The following SGCZ variants were observed in gnomAD, a reference collection of about 807,000 sequenced individuals.
SGCZ encodes the protein zeta-sarcoglycan.
A neutral mutation model predicts 41.3 loss-of-function variants in SGCZ; 40 were observed. The ratio of observed to expected loss-of-function variants is 0.97; its 90% CI spans 0.75 to 1.26. The LOEUF is 1.26. Ranked by LOEUF, SGCZ falls within the 50% of genes most tolerant of loss-of-function variation. The pLI is 0.00. For missense variants in SGCZ, 552 were observed against 369.8 expected, an observed-to-expected ratio of 1.49 and a Z score of -4.04; for synonymous variants, 206 against 137.5, an observed-to-expected ratio of 1.50 and a Z score of -3.49.
intron 1 of SGCZ, among the ~76,000 whole-genome samples, chr8:15,134,888 G>C (rs1035695179): frequency 2.6e-5 from 4 of 152,242 alleles, no homozygotes; most frequent in East Asian, 1.9e-4. Flanking sequence ...AAACACGTTT[G>C]AATGTTAAAC....
chr8:15,077,875 G>GA (rs1805596779), intron 1 of SGCZ, among the ~76,000 whole-genome samples: 1 of 152,210 alleles, frequency 6.6e-6, no homozygotes, highest in African/African-American at 2.4e-5. Context: ...GCAGGAGGCA[G>GA]ACAAATGCCT....
intron 1 of SGCZ, among the ~76,000 whole-genome samples, chr8:14,775,945 C>T (rs1301306375): frequency 6.6e-6 from 1 of 152,112 alleles, no homozygotes; most frequent in African/African-American, 2.4e-5. Flanking sequence ...GGAAAGTGGA[C>T]TCTCTTGCAT....
chr8:15,162,729 CT>C (rs1367400802), intron 1 of SGCZ, among the ~76,000 whole-genome samples: 5 of 152,184 alleles, frequency 3.3e-5, no homozygotes, highest in African/African-American at 1.2e-4. Context: ...CTATGTTTTT[CT>C]CTCATGATCT....
intron 4 of SGCZ, among the ~76,000 whole-genome samples, chr8:14,233,018 G>C (rs1806626920): frequency 6.6e-6 from 1 of 151,962 alleles, no homozygotes; most frequent in Non-Finnish European, 1.5e-5. Flanking sequence ...CCCATAAGTA[G>C]CCATAATAAG....
chr8:14,367,094 T>C (rs1027139606), intron 2 of SGCZ, among the ~76,000 whole-genome samples: 1 of 152,076 alleles, frequency 6.6e-6, no homozygotes, highest in South Asian at 2.1e-4. Context: ...CACTTAGAAA[T>C]TTCTTACGCC....
intron 1 of SGCZ, among the ~76,000 whole-genome samples, chr8:14,674,140 G>A (rs11203662): frequency 0.56 from 85,393 of 151,788 alleles, 25,423 homozygotes; most frequent in East Asian, 0.78. Flanking sequence ...AACATAAATA[G>A]GTAGTTATCT....
intron 3 of SGCZ, among the ~76,000 whole-genome samples, chr8:14,279,221 T>C (rs763927271): frequency 3.9e-5 from 6 of 152,090 alleles, no homozygotes; most frequent in Non-Finnish European, 7.4e-5. Context: ...AGTTTACTTT[T>C]GGTTTTCTTT....
intron 2 of SGCZ, among the ~76,000 whole-genome samples, chr8:14,398,900 C>T (rs905666205): frequency 2.6e-5 from 4 of 151,976 alleles, no homozygotes; most frequent in African/African-American, 4.8e-5. Flanking sequence ...TTTCTTTGGG[C>T]CTGATAATTT....
At chr8:15,134,991 T>C (rs542552418) in intron 1 of SGCZ, among the ~76,000 whole-genome samples, 2 of 152,306 alleles carry the variant, frequency 1.3e-5, no homozygotes, top group South Asian at 4.1e-4. Flanking sequence ...AGCTACCAAT[T>C]TGCTAGACTT....
intron 2 of SGCZ, among the ~76,000 whole-genome samples, chr8:14,371,525 A>G (rs192296026): frequency 3.0e-3 from 454 of 152,126 alleles, no homozygotes; most frequent in African/African-American, 9.4e-3. Context: ...AAATATAAAA[A>G]AAAGTGTTTC....
At chr8:14,368,885 A>C (rs1803811907) in intron 2 of SGCZ, among the ~76,000 whole-genome samples, 1 of 152,004 alleles carries the variant, frequency 6.6e-6, no homozygotes. Flanking sequence ...ACACCATAGA[A>C]AACTATGGGA....
intron 5 of SGCZ, among the ~76,000 whole-genome samples, chr8:14,136,328 G>A (rs551489256): frequency 3.7e-4 from 57 of 152,282 alleles, no homozygotes; most frequent in African/African-American, 1.4e-3. Context: ...CATGAAGTGT[G>A]AGCCGAAGCA....
chr8:14,167,704 A>G lies in SGCZ; in HGVS notation c.425-3002T>C, dbSNP rs1175337120. Among the ~76,000 whole-genome samples, 3 of 152,206 alleles carry G rather than the reference A, an allele frequency of 2.0e-5. No individual in the cohort carries two copies. The East Asian group carries it at 5.8e-4, about 29-fold the overall frequency. ...TTTTAAATGTTCTATATACATTCTTAAAAGAACAAACCACCACCATCACCA... is the reference window on the plus strand; with the variant it reads ...TTTTAAATGTTCTATATACATTCTTGAAAGAACAAACCACCACCATCACCA... On this transcript the variant is annotated intron_variant, in intron 4 of 7. Coordinates refer to ENST00000382080, the MANE Select transcript of SGCZ (RefSeq NM_139167.4).
chr8:14,365,111 T>C (rs1368780593), intron 2 of SGCZ, among the ~76,000 whole-genome samples: 1 of 152,092 alleles, frequency 6.6e-6, no homozygotes. Context: ...TTTTCACTTT[T>C]GTCATATATG....
At chr8:14,116,902 T>C (rs1001346273) in intron 5 of SGCZ, among the ~76,000 whole-genome samples, 3 of 152,106 alleles carry the variant, frequency 2.0e-5, no homozygotes, top group Non-Finnish European at 4.4e-5. Flanking sequence ...TTGATTACTG[T>C]GAACACTGTA....
intron 1 of SGCZ, among the ~76,000 whole-genome samples, chr8:14,761,934 G>C (rs1377947724): frequency 1.3e-5 from 2 of 152,088 alleles, no homozygotes; most frequent in Non-Finnish European, 2.9e-5. Context: ...CAAGTGCGTA[G>C]AGTCAGAACT....
At position 14,410,796 on chromosome 8, in the gene SGCZ, G is replaced by T. The variant is rs143699795; in HGVS notation, c.235-86592C>A. ...TAAAATATACAAAAACCAATGAAAC[G>T]AACAAAAATAGGAGTTCTAAGAGTG... On this transcript the variant is annotated intron_variant, in intron 2 of 7. Transcript: ENST00000382080. Among the ~76,000 whole-genome samples, 628 of 152,070 alleles carry T rather than the reference G, an allele frequency of 4.1e-3. 6 individuals are homozygous for T. Among genetic ancestry groups the T allele is most frequent in the African/African-American group, 0.013 (550 of 41,532 alleles).
intron 1 of SGCZ, among the ~76,000 whole-genome samples, chr8:15,127,117 T>C (rs1267629006): frequency 6.6e-6 from 1 of 152,170 alleles, no homozygotes; most frequent in Admixed American, 6.5e-5. Context: ...TATTGAATGC[T>C]GATCATGTAT....
chr8:14,802,222 T>C (rs1214623709), intron 1 of SGCZ, among the ~76,000 whole-genome samples: 1 of 152,170 alleles, frequency 6.6e-6, no homozygotes, highest in Non-Finnish European at 1.5e-5. Context: ...ATCCTTTGCA[T>C]GGGAATAAGA....
Sources: allele counts gnomAD v4.1 joint callset (sites outside exome capture counted in the v4.1 genomes callset), GRCh38; gene constraint gnomAD v4.1.1; transcripts MANE v1.5; gene names NCBI Gene and HGNC (gene_info 2026-07-23, HGNC 2026-07-21).